Variants in PAPPA observed in about 807,000 individuals in gnomAD.
PAPPA encodes the protein pappalysin 1.
In PAPPA, 60 loss-of-function variants were observed where a neutral mutation model predicts 164.0. The observed-to-expected ratio is 0.37, with a 90% CI of 0.30 to 0.45. PAPPA has a LOEUF of 0.45. PAPPA is among the 20% of genes least tolerant of loss of function. The pLI, the probability that PAPPA is intolerant of heterozygous loss-of-function variation, is 1.00. For synonymous variants in PAPPA, 875 were observed against 814.1 expected, an observed-to-expected ratio of 1.07 and a Z score of -1.27; for missense variants, 1,782 against 2,087.3, an observed-to-expected ratio of 0.85 and a Z score of 2.85.
intron 1 of PAPPA, among the ~76,000 whole-genome samples, chr9:116,161,622 C>T (rs758156572): frequency 1.9e-4 from 29 of 148,832 alleles, no homozygotes; most frequent in Non-Finnish European, 4.0e-4. Context: ...TTTAAAGATC[C>T]TAATTTGTTA....
At chr9:116,258,988 C>A (rs1021884253) in intron 7 of PAPPA, among the ~76,000 whole-genome samples, 1 of 151,890 alleles carries the variant, frequency 6.6e-6, no homozygotes, top group Non-Finnish European at 1.5e-5. Context: ...ATAAAATTCG[C>A]CAGGCATGGT....
chr9:116,386,712 T>C (rs1177685125), intron 21 of PAPPA, among the ~76,000 whole-genome samples: 1 of 152,186 alleles, frequency 6.6e-6, no homozygotes, highest in Non-Finnish European at 1.5e-5. Flanking sequence ...TGACCCTCCC[T>C]GTTCTGGTTG....
chr9:116,263,442 G>A (rs1307505186), intron 7 of PAPPA, among the ~76,000 whole-genome samples: 1 of 152,132 alleles, frequency 6.6e-6, no homozygotes, highest in Non-Finnish European at 1.5e-5. Context: ...ATCTTCACGG[G>A]TTTGCCTCAC....
In PAPPA at chr9:116,399,458, C is replaced by T. The variant is rs1340324403; in HGVS notation, c.*2842C>T. On this transcript the variant is annotated 3_prime_UTR_variant, in exon 22 of 22. Coordinates refer to ENST00000328252, the MANE Select transcript of PAPPA (RefSeq NM_002581.5). Reference sequence around the variant, plus strand: ...GTTTCATTTTCTTCCTGGGAATTAACTCGTCATTTCATTCCTTCAGTCATC... The same window carrying T: ...GTTTCATTTTCTTCCTGGGAATTAATTCGTCATTTCATTCCTTCAGTCATC... 2.6e-5 allele frequency: 4 copies of T among 152,608 alleles called. No homozygotes were observed. Among genetic ancestry groups the T allele is most frequent in the Non-Finnish European group, 5.9e-5 (4 of 68,054 alleles). The allele number at this position is 152,608 out of a possible 1,614,324, so 9.5% of individuals were successfully genotyped here.
intron 13 of PAPPA, 54 bp from the exon 14 acceptor site, chr9:116,344,489 G>A: frequency 6.4e-7 from 1 of 1,556,058 alleles, no homozygotes; most frequent in Non-Finnish European, 8.8e-7. Flanking sequence ...TTCCAACTGA[G>A]CATAGCTGTC....
At chr9:116,355,707 C>T (rs1042412988) in intron 17 of PAPPA, among the ~76,000 whole-genome samples, 6 of 152,158 alleles carry the variant, frequency 3.9e-5, no homozygotes, top group African/African-American at 1.4e-4. Flanking sequence ...CTGGGGCCTT[C>T]CAAGTAACTT....
rs572795314 is a variant in PAPPA, at chr9:116,207,731, C to T, written c.1624+130C>T. The T allele has an allele frequency of 4.5e-6, 3 of 659,738 alleles. No individual in the cohort carries two copies. The African/African-American group carries it at 5.6e-5, about 12-fold the overall frequency. The allele number at this position is 659,738 out of a possible 1,614,324, so 40.9% of individuals were successfully genotyped here. ...GAGGGTGAACAACCGATTTATTTAT[C>T]ACTTTTTAATTTACAAAATTCTTTA... On this transcript the variant is annotated intron_variant, in intron 3 of 21. Transcript: ENST00000328252.
At chr9:116,211,995 C>A in intron 4 of PAPPA, 63 bp downstream of exon 4, 1 of 1,444,112 alleles carries the variant, frequency 6.9e-7, no homozygotes, top group Non-Finnish European at 9.6e-7. Flanking sequence ...CCAATCCTGG[C>A]TCAGGGGAAC....
intron 20 of PAPPA, 29 bp downstream of exon 20, chr9:116,377,676 T>C: frequency 1.3e-6 from 2 of 1,493,196 alleles, no homozygotes; most frequent in Non-Finnish European, 1.9e-6. Context: ...ACTCCTCAGT[T>C]CCCTGGAAAT....
At chr9:116,192,623 C>A (rs1191726935) in intron 2 of PAPPA, among the ~76,000 whole-genome samples, 5 of 152,162 alleles carry the variant, frequency 3.3e-5, no homozygotes, top group African/African-American at 1.2e-4. Flanking sequence ...AATGAAGGGT[C>A]CACAGTACTA....
chr9:116,241,709 G>A (rs1012793646), intron 7 of PAPPA, among the ~76,000 whole-genome samples: 12 of 152,150 alleles, frequency 7.9e-5, no homozygotes, highest in African/African-American at 1.9e-4. Context: ...AAGAAGATGC[G>A]TCTCTTGCTT....
At chr9:116,272,199 A>C (rs1012425356) in intron 9 of PAPPA, among the ~76,000 whole-genome samples, 1 of 152,232 alleles carries the variant, frequency 6.6e-6, no homozygotes, top group Admixed American at 6.5e-5. Context: ...GAGCTGGTCC[A>C]GATGAGATCA....
chr9:116,289,314 G>GCCATATATATAGCATATATATATGC (rs1228470158), intron 9 of PAPPA, among the ~76,000 whole-genome samples: 1 of 102,294 alleles, frequency 9.8e-6, no homozygotes, highest in Admixed American at 9.6e-5. Flanking sequence ...CATATATATG[G>GCCATATATATAGCATATATATATGC]CATATATATG....
intron 10 of PAPPA, among the ~76,000 whole-genome samples, chr9:116,325,626 C>T (rs1396276354): frequency 1.3e-5 from 2 of 152,146 alleles, no homozygotes; most frequent in African/African-American, 2.4e-5. Flanking sequence ...CCTCCAGGTG[C>T]TAGGATGAGG....
rs1022212423 is a variant in PAPPA at position 116,291,788 on chromosome 9, G to C, written c.2954-10969G>C. Among the ~76,000 whole-genome samples the C allele has an allele frequency of 2.0e-5, 3 of 151,656 alleles. No homozygotes were observed. In the East Asian group the frequency reaches 5.8e-4, roughly 29 times the overall value. On this transcript the variant is annotated intron_variant, in intron 9 of 21. Coordinates refer to ENST00000328252, the MANE Select transcript of PAPPA (RefSeq NM_002581.5). ...TATTAAACTTGTGTTGGTTGTATGG[G>C]AGCAGGGAACAATAATAAATAAATA...
At chr9:116,386,801 T>TG (rs1846820058) in intron 21 of PAPPA, among the ~76,000 whole-genome samples, 1 of 152,104 alleles carries the variant, frequency 6.6e-6, no homozygotes, top group Admixed American at 6.6e-5. Flanking sequence ...GCAGCAAAGA[T>TG]GGGGTCGGGG....
intron 13 of PAPPA, among the ~76,000 whole-genome samples, chr9:116,338,222 C>T (rs755500625): frequency 4.2e-4 from 64 of 152,184 alleles, no homozygotes; most frequent in African/African-American, 1.5e-3. Flanking sequence ...TCTTTCCTTT[C>T]ATGCTTCCTT....
chr9:116,352,749 C>A lies in PAPPA; in HGVS notation c.4008C>A (p.Ser1336=). The change falls in exon 16 of 22, where the codon TCC becomes TCA. Residue 1336 remains serine, a synonymous_variant. Coordinates refer to ENST00000328252, the MANE Select transcript of PAPPA (RefSeq NM_002581.5). ...LLTCMEDGLW[S]FPEALCELMC... ...CCTGCATGGAGGATGGGCTGTGGTC[C>A]TTCCCAGAGGCCCTGTGTGAGCTCA... The A allele has an allele frequency of 1.2e-6, 2 of 1,613,596 alleles. No homozygotes were observed. The highest frequency in any genetic ancestry group is 1.7e-6 in the Non-Finnish European group (2 of 1,180,018).
At chr9:116,375,518 AC>A (rs1846638000) in intron 19 of PAPPA, among the ~76,000 whole-genome samples, 1 of 152,232 alleles carries the variant, frequency 6.6e-6, no homozygotes, top group Non-Finnish European at 1.5e-5. Context: ...ATTATTGTCC[AC>A]TGGTAAAATC....
Sources: allele counts gnomAD v4.1 joint callset (sites outside exome capture counted in the v4.1 genomes callset), GRCh38; gene constraint gnomAD v4.1.1; transcripts MANE v1.5; gene names NCBI Gene and HGNC (gene_info 2026-07-23, HGNC 2026-07-21).